Variants in IPO11 observed in about 807,000 individuals in gnomAD.
IPO11 encodes importin 11.
In IPO11, 66 loss-of-function variants were observed where a neutral mutation model predicts 143.2. The ratio of observed to expected loss-of-function variants is 0.46; its 90% CI spans 0.38 to 0.57. The LOEUF (loss-of-function observed/expected upper bound fraction) is 0.57. IPO11 is among the 20% of genes least tolerant of loss of function. The pLI is 0.00. For missense variants in IPO11, 1,026 were observed against 1,141.0 expected (o/e 0.90, Z 1.45); for synonymous variants, 385 against 377.8 (o/e 1.02, Z -0.22).
In IPO11 at chr5:62,423,203, C is replaced by T. The variant is rs192246145; in HGVS notation, c.-7+10274C>T. 2.6e-3 allele frequency among the ~76,000 whole-genome samples: 389 copies of T among 152,226 alleles called. 3 individuals carry two copies. Among genetic ancestry groups the T allele is most frequent in the Admixed American group, 4.4e-3 (67 of 15,288 alleles). Reference sequence around the variant, plus strand: ...TTTTTTGTAGATATTTCTGTCTTTACTCTGATAAAATTTGTATTCCATATT... The same window carrying T: ...TTTTTTGTAGATATTTCTGTCTTTATTCTGATAAAATTTGTATTCCATATT... On this transcript the variant is annotated intron_variant, in intron 1 of 29. Coordinates refer to ENST00000325324, the MANE Select transcript of IPO11 (RefSeq NM_016338.5).
intron 24 of IPO11, 149 bp from the exon 25 acceptor site, chr5:62,550,218 T>G (rs1240541369): frequency 1.8e-6 from 1 of 545,592 alleles, no homozygotes; most frequent in Admixed American, 3.3e-5. Flanking sequence ...AAAGTGTGTC[T>G]AGTGTCAGAA....
chr5:62,500,783 C>CAACT (rs1263705189), intron 16 of IPO11, among the ~76,000 whole-genome samples: 6 of 152,178 alleles, frequency 3.9e-5, no homozygotes, highest in African/African-American at 1.4e-4. Context: ...TAGGTGTGAG[C>CAACT]AACTGCACCA....
chr5:62,501,007 T>C (rs541660825), intron 16 of IPO11, among the ~76,000 whole-genome samples: 1 of 152,348 alleles, frequency 6.6e-6, no homozygotes, highest in Admixed American at 6.5e-5. Flanking sequence ...CATAATTGTA[T>C]TGAATTTTCT....
intron 19 of IPO11, among the ~76,000 whole-genome samples, chr5:62,514,766 G>A (rs1385690765): frequency 6.6e-6 from 1 of 152,206 alleles, no homozygotes; most frequent in Non-Finnish European, 1.5e-5. Context: ...TATTTTTCAA[G>A]AAACTACTGT....
At chr5:62,539,062 A>G (rs542141842) in intron 24 of IPO11, among the ~76,000 whole-genome samples, 1 of 152,320 alleles carries the variant, frequency 6.6e-6, no homozygotes, top group South Asian at 2.1e-4. Flanking sequence ...TGATGAGAAA[A>G]GGAAGGAGCT....
At chr5:62,589,401 C>T (rs1198903236) in intron 27 of IPO11, among the ~76,000 whole-genome samples, 1 of 152,096 alleles carries the variant, frequency 6.6e-6, no homozygotes, top group Non-Finnish European at 1.5e-5. Context: ...TCTTTGTATC[C>T]CCTATTGGAT....
intron 7 of IPO11, among the ~76,000 whole-genome samples, chr5:62,471,061 C>T (rs539829943): frequency 1.3e-5 from 2 of 151,412 alleles, no homozygotes; most frequent in Non-Finnish European, 1.5e-5. Context: ...CTCCTGGCCT[C>T]AAGTGATCTG....
chr5:62,563,206 A>C (rs960021633), intron 27 of IPO11, among the ~76,000 whole-genome samples: 1 of 152,224 alleles, frequency 6.6e-6, no homozygotes, highest in Non-Finnish European at 1.5e-5. Flanking sequence ...TTGGGAAAAA[A>C]GTGACTTGAG....
At chr5:62,423,601 CAG>C (rs1189983671) in intron 1 of IPO11, among the ~76,000 whole-genome samples, 1 of 152,108 alleles carries the variant, frequency 6.6e-6, no homozygotes, top group Non-Finnish European at 1.5e-5. Context: ...TAAAAGTAGA[CAG>C]AATTTTATGA....
chr5:62,624,975 A>T (rs1464595962), intron 29 of IPO11, among the ~76,000 whole-genome samples: 1 of 115,354 alleles, frequency 8.7e-6, no homozygotes, highest in Non-Finnish European at 1.8e-5. Flanking sequence ...ACAGAGCGAG[A>T]GACTCAAAAA....
At chr5:62,470,668 A>AAAAT (rs1283694474) in intron 7 of IPO11, among the ~76,000 whole-genome samples, 34 of 151,984 alleles carry the variant, frequency 2.2e-4, no homozygotes, top group Non-Finnish European at 4.7e-4. Context: ...TTATGTATTT[A>AAAAT]AAATAAATTT....
chr5:62,571,103 A>G (rs1744118113), intron 27 of IPO11, among the ~76,000 whole-genome samples: 2 of 152,266 alleles, frequency 1.3e-5, no homozygotes, highest in South Asian at 4.1e-4. Flanking sequence ...CATGTAGATG[A>G]TGCATGTGTA....
chr5:62,515,561 C>A, intron 20 of IPO11, 60 bp downstream of exon 20: 1 of 1,080,646 alleles, frequency 9.3e-7, no homozygotes, highest in South Asian at 1.9e-5. Flanking sequence ...TTCTTTTAAC[C>A]ATTTAAAAAT....
intron 6 of IPO11, among the ~76,000 whole-genome samples, chr5:62,467,992 G>T (rs1481467042): frequency 6.6e-6 from 1 of 151,962 alleles, no homozygotes; most frequent in Non-Finnish European, 1.5e-5. Flanking sequence ...CTGTCTCCCA[G>T]GTTGAAGTGC....
chr5:62,438,635 G>A (rs549994648), intron 2 of IPO11, among the ~76,000 whole-genome samples: 20 of 150,980 alleles, frequency 1.3e-4, no homozygotes, highest in Admixed American at 1.3e-3. Flanking sequence ...GCCTGTAGTC[G>A]CAGCTATTCA....
intron 16 of IPO11, among the ~76,000 whole-genome samples, chr5:62,504,201 A>G (rs1561338778): frequency 6.6e-6 from 1 of 152,272 alleles, no homozygotes; most frequent in South Asian, 2.1e-4. Context: ...TATTTTGGGG[A>G]TATTTCAAAG....
chr5:62,472,567 G>A (rs185389848), intron 7 of IPO11, among the ~76,000 whole-genome samples: 4 of 143,014 alleles, frequency 2.8e-5, no homozygotes, highest in East Asian at 2.0e-4. Flanking sequence ...TCACTCTGTC[G>A]CGCAGGCTGG....
chr5:62,544,222 G>A (rs1462034474), intron 24 of IPO11, among the ~76,000 whole-genome samples: 2 of 151,942 alleles, frequency 1.3e-5, no homozygotes, highest in Admixed American at 6.6e-5. Flanking sequence ...CCGTCAAACC[G>A]AATCCAGCAG....
chr5:62,438,936 G>C (rs563578691), intron 2 of IPO11, among the ~76,000 whole-genome samples: 152 of 152,030 alleles, frequency 1.0e-3, no homozygotes, highest in Non-Finnish European at 3.5e-4. Flanking sequence ...GCGGGCGCCT[G>C]TAGTCCCAGC....
Sources: allele counts gnomAD v4.1 joint callset (sites outside exome capture counted in the v4.1 genomes callset), GRCh38; gene constraint gnomAD v4.1.1; transcripts MANE v1.5; gene names NCBI Gene and HGNC (gene_info 2026-07-23, HGNC 2026-07-21).